Variants in ARRB1 observed in about 807,000 individuals in gnomAD.
The protein encoded by ARRB1 is arrestin beta 1, also known as beta-arrestin-1.
Under a neutral mutation model 56.8 loss-of-function variants are expected in ARRB1, and 21 were observed. That is an observed-to-expected ratio of 0.37 (90% CI 0.26 to 0.53). ARRB1 has a LOEUF of 0.53. ARRB1 is among the 20% of genes least tolerant of loss of function. ARRB1 has a pLI of 0.88. For missense variants in ARRB1, 424 were observed against 553.7 expected (o/e 0.77, Z 2.35); for synonymous variants, 210 against 218.6 (o/e 0.96, Z 0.35).
In ARRB1 at chr11:75,267,676, G is replaced by GT; in HGVS notation, c.1120dup (p.Thr374AsnfsTer7). On this transcript the variant is annotated frameshift_variant, in exon 15 of 16. Transcript: ENST00000420843. LOFTEE classifies it high-confidence loss of function. ...CTTTGTGTCAAGTTCTATGAGATTG[G>GT]TATCTACTGGCGTCTCGTTCTCTGG... is the stretch of plus-strand genomic sequence containing the variant. 7.5e-7 allele frequency: 1 copy of GT among 1,332,244 alleles called. No individual in the cohort carries two copies. The highest frequency in any genetic ancestry group is 1.0e-6 in the Non-Finnish European group (1 of 985,530). The allele number at this position is 1,332,244 out of a possible 1,614,324, so 82.5% of individuals were successfully genotyped here. A position where few individuals can be genotyped will look rare whatever the true frequency, so the allele number is the denominator to read the frequency against.
chr11:75,269,320 C>T, intron 13 of ARRB1: 1 of 422,680 alleles, frequency 2.4e-6, no homozygotes, highest in Non-Finnish European at 4.6e-6. Flanking sequence ...CTCAAATCGC[C>T]ACAGCCACCC....
At position 75,283,470 on chromosome 11, in the gene ARRB1, C is replaced by G; in HGVS notation, c.171G>C (p.Leu57=). 1 of 1,611,778 alleles carries G rather than the reference C, an allele frequency of 6.2e-7. No individual in the cohort carries two copies. The highest frequency in any genetic ancestry group is 8.5e-7 in the Non-Finnish European group (1 of 1,178,704). The change falls in exon 5 of 16, where the codon CTG becomes CTC. Residue 57 remains leucine, a synonymous_variant. Transcript: ENST00000420843. ...YLKERRVYVT[L]TCAFRYGRED... is the part of the protein sequence containing the mutation. ...CCCGGCCATAGCGGAAGGCGCAGGT[C>G]AGCGTCACATAGACTGTGGGGAGCG...
At chr11:75,318,663 C>T (rs1022874908) in intron 1 of ARRB1, among the ~76,000 whole-genome samples, 2 of 151,890 alleles carry the variant, frequency 1.3e-5, no homozygotes, top group Non-Finnish European at 2.9e-5. Flanking sequence ...GCACCCTAGC[C>T]TGGGCAACAG....
intron 1 of ARRB1, among the ~76,000 whole-genome samples, chr11:75,351,022 G>A (rs1235237885): frequency 6.6e-6 from 1 of 152,204 alleles, no homozygotes; most frequent in Non-Finnish European, 1.5e-5. Context: ...AGGGTGATGT[G>A]TGTGCCAGCA....
chr11:75,330,556 C>T (rs553418507), intron 1 of ARRB1, among the ~76,000 whole-genome samples: 114 of 152,188 alleles, frequency 7.5e-4, no homozygotes, highest in Non-Finnish European at 1.3e-3. Flanking sequence ...TAAACTCTGC[C>T]GAAGAAATAT....
intron 1 of ARRB1, among the ~76,000 whole-genome samples, chr11:75,328,551 C>T (rs558156533): frequency 6.6e-6 from 1 of 152,226 alleles, no homozygotes; most frequent in Non-Finnish European, 1.5e-5. Flanking sequence ...CTTCTTACAT[C>T]CTTGTCTCCC....
chr11:75,300,476 C>G (rs889440900), intron 1 of ARRB1, among the ~76,000 whole-genome samples: 11 of 152,184 alleles, frequency 7.2e-5, no homozygotes, highest in African/African-American at 2.7e-4. Context: ...AGAGACCACA[C>G]TTTTAATCAC....
At chr11:75,269,799 G>T (rs887678210) in intron 13 of ARRB1, among the ~76,000 whole-genome samples, 1 of 152,212 alleles carries the variant, frequency 6.6e-6, no homozygotes, top group Non-Finnish European at 1.5e-5. Flanking sequence ...GCTATTAATG[G>T]TTATTATTAG....
chr11:75,296,441 C>T (rs1014298548), intron 1 of ARRB1, among the ~76,000 whole-genome samples: 1 of 152,224 alleles, frequency 6.6e-6, no homozygotes, highest in South Asian at 2.1e-4. Context: ...TCTCCATGAA[C>T]CAGAATGTCA....
chr11:75,330,810 A>C (rs1283526120), intron 1 of ARRB1, among the ~76,000 whole-genome samples: 1 of 152,210 alleles, frequency 6.6e-6, no homozygotes. Flanking sequence ...GAAGAAACTG[A>C]AGCTGAATGA....
At chr11:75,293,697 CCCCCACCACACCCAA>C (rs1443161514) in intron 1 of ARRB1, among the ~76,000 whole-genome samples, 1 of 152,154 alleles carries the variant, frequency 6.6e-6, no homozygotes, top group Non-Finnish European at 1.5e-5. Context: ...ACAGAACCAG[CCCCCACCACACCCAA>C]CCCCACCGCC....
chr11:75,296,925 G>A (rs1017261341), intron 1 of ARRB1, among the ~76,000 whole-genome samples: 1 of 152,168 alleles, frequency 6.6e-6, no homozygotes, highest in Non-Finnish European at 1.5e-5. Flanking sequence ...CTCCCAGAGT[G>A]CTGGGATTAC....
At chr11:75,270,420 G>A (rs1946051191) in intron 13 of ARRB1, among the ~76,000 whole-genome samples, 1 of 152,208 alleles carries the variant, frequency 6.6e-6, no homozygotes, top group Non-Finnish European at 1.5e-5. Flanking sequence ...ATGAGGTCAG[G>A]AGTTTAAGAC....
intron 11 of ARRB1, 129 bp from the exon 12 acceptor site, chr11:75,273,107 A>G: frequency 5.4e-6 from 4 of 737,624 alleles, no homozygotes; most frequent in East Asian, 2.7e-5. Context: ...ACCATGTCCA[A>G]TAGAGCCCAG....
rs769025791 is a variant in ARRB1 at position 75,276,916 on chromosome 11, G to A, written c.704-5C>T. 1.7e-5 allele frequency: 27 copies of A among 1,614,064 alleles called. No homozygotes were observed. In the Middle Eastern group the frequency reaches 1.8e-3, roughly 108 times the overall value. On this transcript the variant is annotated splice_region_variant and splice_polypyrimidine_tract_variant and intron_variant, in intron 9 of 15. Coordinates refer to ENST00000420843, the MANE Select transcript of ARRB1 (RefSeq NM_004041.5). ...AGATGTCTGCATACTGGCGCACTAGGGAGGGAGAGGAATCAAGGTGGAGTG... is the reference window on the plus strand; with the variant it reads ...AGATGTCTGCATACTGGCGCACTAGAGAGGGAGAGGAATCAAGGTGGAGTG...
At position 75,283,225 on chromosome 11, in the gene ARRB1, C is replaced by T. The variant is rs1031151918; in HGVS notation, c.354+62G>A. ...ACCCTCACCGCCCTCTTATGCCCAC[C>T]CCAGAGGGCTTCCTAGAGGTGGCAT... is the stretch of plus-strand genomic sequence containing the variant. On this transcript the variant is annotated intron_variant, in intron 5 of 15. Coordinates refer to ENST00000420843, the MANE Select transcript of ARRB1 (RefSeq NM_004041.5). 8.5e-6 allele frequency: 13 copies of T among 1,529,196 alleles called. No individual in the cohort carries two copies. The African/African-American group carries it at 1.6e-4, about 19-fold the overall frequency. 94.7% of individuals were successfully genotyped at this position (1,529,196 alleles called of 1,614,324 possible).
chr11:75,284,767 G>A (rs992561889), intron 3 of ARRB1, among the ~76,000 whole-genome samples: 2 of 152,086 alleles, frequency 1.3e-5, no homozygotes, highest in African/African-American at 4.8e-5. Flanking sequence ...GCTGGGCATG[G>A]TGGCGGGCCC....
intron 1 of ARRB1, among the ~76,000 whole-genome samples, chr11:75,332,849 C>G (rs913350019): frequency 6.6e-6 from 1 of 151,908 alleles, no homozygotes; most frequent in Non-Finnish European, 1.5e-5. Flanking sequence ...AAGCTGAGAT[C>G]GCGCCACTGC....
intron 12 of ARRB1, chr11:75,272,680 G>T: frequency 7.1e-6 from 4 of 564,250 alleles, no homozygotes; most frequent in South Asian, 6.2e-5. Flanking sequence ...ATGGGTGGGG[G>T]TAAGAGAGGG....
Sources: allele counts gnomAD v4.1 joint callset (sites outside exome capture counted in the v4.1 genomes callset), GRCh38; gene constraint gnomAD v4.1.1; transcripts MANE v1.5; gene names NCBI Gene and HGNC (gene_info 2026-07-23, HGNC 2026-07-21).